Variants in EXOC4 observed in about 807,000 individuals in gnomAD.
EXOC4 encodes the protein exocyst complex component 4, also known as SEC8-like 1.
In EXOC4, 71 loss-of-function variants were observed where a neutral mutation model predicts 107.2. The ratio of observed to expected loss-of-function variants is 0.66; its 90% CI spans 0.55 to 0.81. The LOEUF (loss-of-function observed/expected upper bound fraction) is 0.81, where lower values mean the gene tolerates loss of function less well. Ranked by LOEUF, EXOC4 falls within the 30% of genes least tolerant of loss-of-function variation. EXOC4 has a pLI of 0.00. For synonymous variants in EXOC4, 456 were observed against 441.2 expected (o/e 1.03, Z -0.42); for missense variants, 1,108 against 1,189.6 (o/e 0.93, Z 1.01).
intron 1 of EXOC4, among the ~76,000 whole-genome samples, chr7:133,262,121 A>G (rs1795166738): frequency 6.6e-6 from 1 of 152,170 alleles, no homozygotes; most frequent in Non-Finnish European, 1.5e-5. Context: ...GAAGTCCATC[A>G]GTACTTCTTA....
intron 9 of EXOC4, among the ~76,000 whole-genome samples, chr7:133,544,947 C>T (rs180909983): frequency 1.3e-4 from 19 of 150,836 alleles, no homozygotes; most frequent in Admixed American, 4.6e-4. Flanking sequence ...CTTTTTGTCT[C>T]GATTATTATG....
At position 133,356,333 on chromosome 7, in the gene EXOC4, G is replaced by A. The variant is rs775220009; in HGVS notation, c.767G>A (p.Arg256Lys). ...TTGTTATTATTTAATTTTTCAGTGA[G>A]GGAGATAAATCTGCAGGACATCAAG... ...HYSTAGSSSV[R>K]EINLQDIKED... is the part of the protein sequence containing the mutation. Residue 256 changes from arginine to lysine, a missense_variant, in exon 6 of 18, where the codon AGG becomes AAG. Transcript: ENST00000253861. 1 of 1,613,318 alleles carries A rather than the reference G, an allele frequency of 6.2e-7. No homozygotes were observed. Among genetic ancestry groups the A allele is most frequent in the African/African-American group, 1.3e-5 (1 of 74,780 alleles).
chr7:133,929,776 G>A (rs1013072483), intron 13 of EXOC4, among the ~76,000 whole-genome samples: 1 of 151,992 alleles, frequency 6.6e-6, no homozygotes, highest in African/African-American at 2.4e-5. Flanking sequence ...TTGCGTCAAT[G>A]TGTATCTCAT....
chr7:133,265,321 T>G (rs1793700500), intron 1 of EXOC4, among the ~76,000 whole-genome samples: 1 of 152,012 alleles, frequency 6.6e-6, no homozygotes, highest in South Asian at 2.1e-4. Flanking sequence ...TAGTACTCTT[T>G]CCATTATGTA....
chr7:133,312,402 T>C (rs527301178), intron 4 of EXOC4, among the ~76,000 whole-genome samples: 1 of 152,244 alleles, frequency 6.6e-6, no homozygotes, highest in African/African-American at 2.4e-5. Context: ...ACAGATAATG[T>C]CAAAACACTG....
intron 7 of EXOC4, among the ~76,000 whole-genome samples, chr7:133,382,387 G>A (rs1412260866): frequency 6.6e-6 from 1 of 152,130 alleles, no homozygotes; most frequent in Non-Finnish European, 1.5e-5. Flanking sequence ...TATGTACTGA[G>A]TACTGGGGAA....
chr7:134,047,404 TA>T (rs528965242), intron 17 of EXOC4, among the ~76,000 whole-genome samples: 1 of 150,140 alleles, frequency 6.7e-6, no homozygotes, highest in Non-Finnish European at 1.5e-5. Context: ...AAGGGCCACG[TA>T]AAAAAAAAAT....
intron 17 of EXOC4, among the ~76,000 whole-genome samples, chr7:134,021,081 G>T (rs1393563394): frequency 6.6e-6 from 1 of 152,128 alleles, no homozygotes; most frequent in Non-Finnish European, 1.5e-5. Context: ...AAGCCAGAGA[G>T]CGGTTTGAGA....
chr7:133,955,782 A>G (rs1161591029), intron 14 of EXOC4, among the ~76,000 whole-genome samples: 1 of 152,234 alleles, frequency 6.6e-6, no homozygotes, highest in Non-Finnish European at 1.5e-5. Context: ...CCCAAAGGCC[A>G]GAAGGGGCTG....
At chr7:133,882,275 AT>A (rs1798982452) in intron 11 of EXOC4, among the ~76,000 whole-genome samples, 1 of 152,178 alleles carries the variant, frequency 6.6e-6, no homozygotes, top group Non-Finnish European at 1.5e-5. Flanking sequence ...CATTTGGGTT[AT>A]TTCTAGACTT....
intron 10 of EXOC4, among the ~76,000 whole-genome samples, chr7:133,722,732 C>A (rs1029922709): frequency 1.3e-5 from 2 of 152,122 alleles, no homozygotes; most frequent in Non-Finnish European, 2.9e-5. Context: ...ATTTCACTGC[C>A]ATTCAAAATG....
chr7:133,432,094 C>A (rs1797869197), intron 7 of EXOC4, among the ~76,000 whole-genome samples: 2 of 152,038 alleles, frequency 1.3e-5, no homozygotes, highest in South Asian at 4.2e-4. Flanking sequence ...CTACTATGAT[C>A]ATAATTGTGT....
At chr7:133,374,695 G>A in intron 6 of EXOC4, 133 bp from the exon 7 acceptor site, 1 of 669,768 alleles carries the variant, frequency 1.5e-6, no homozygotes, top group Non-Finnish European at 2.4e-6. Context: ...ATTCACATCT[G>A]CTGAAATCTA....
At chr7:133,553,175 G>A (rs2150943540) in intron 9 of EXOC4, among the ~76,000 whole-genome samples, 1 of 152,214 alleles carries the variant, frequency 6.6e-6, no homozygotes, top group Middle Eastern at 3.4e-3. Flanking sequence ...TAAGATAATG[G>A]ATATGAAGTG....
chr7:133,604,275 T>G (rs927889527), intron 9 of EXOC4, among the ~76,000 whole-genome samples: 2 of 152,196 alleles, frequency 1.3e-5, no homozygotes, highest in Admixed American at 1.3e-4. Flanking sequence ...ACAACCAAAA[T>G]AATGATAAAA....
At chr7:133,338,525 G>A (rs1201071781) in intron 5 of EXOC4, among the ~76,000 whole-genome samples, 2 of 144,502 alleles carry the variant, frequency 1.4e-5, no homozygotes, top group African/African-American at 2.5e-5. Context: ...CCCGGGAAGC[G>A]GAGCTTGCAG....
chr7:133,852,016 T>G (rs1309255641), intron 11 of EXOC4, among the ~76,000 whole-genome samples: 1 of 152,202 alleles, frequency 6.6e-6, no homozygotes, highest in Non-Finnish European at 1.5e-5. Context: ...TAAAATTTTC[T>G]TATAATCTTG....
intron 17 of EXOC4, among the ~76,000 whole-genome samples, chr7:134,049,060 G>GC (rs1795723363): frequency 6.6e-6 from 1 of 152,118 alleles, no homozygotes; most frequent in African/African-American, 2.4e-5. Context: ...AACTGAAACT[G>GC]ATTGTCCTCA....
At chr7:133,343,411 C>T (rs1795710838) in intron 5 of EXOC4, among the ~76,000 whole-genome samples, 1 of 151,970 alleles carries the variant, frequency 6.6e-6, no homozygotes, top group South Asian at 2.1e-4. Flanking sequence ...TCAGCCAGCA[C>T]TTGCTCCAGT....
Sources: allele counts gnomAD v4.1 joint callset (sites outside exome capture counted in the v4.1 genomes callset), GRCh38; gene constraint gnomAD v4.1.1; transcripts MANE v1.5; gene names NCBI Gene and HGNC (gene_info 2026-07-23, HGNC 2026-07-21).